LRRC7: variants seen among roughly 807,000 people sequenced by gnomAD.
LRRC7 encodes leucine rich repeat containing 7.
In LRRC7, 23 loss-of-function variants were observed where a neutral mutation model predicts 175.7. The observed-to-expected ratio is 0.13, with a 90% confidence interval of 0.09 to 0.19. LRRC7 has a LOEUF of 0.19. LRRC7 is among the 10% of genes least tolerant of loss of function. The probability of loss-of-function intolerance (pLI) is 1.00; values close to 1 mark genes in which losing one functional copy is unlikely to be tolerated. For missense variants in LRRC7, 1,354 were observed against 1,904.7 expected, an observed-to-expected ratio of 0.71 and a Z score of 5.38; for synonymous variants, 685 against 680.9, an observed-to-expected ratio of 1.01 and a Z score of -0.09.
At chr1:69,638,944 A>C (rs1653791330) in intron 1 of LRRC7, among the ~76,000 whole-genome samples, 1 of 151,624 alleles carries the variant, frequency 6.6e-6, no homozygotes, top group Non-Finnish European at 1.5e-5. Context: ...TCCAGTATAA[A>C]GAGTGAAACA....
intron 3 of LRRC7, among the ~76,000 whole-genome samples, chr1:69,785,052 T>C (rs2101039604): frequency 6.6e-6 from 1 of 152,272 alleles, no homozygotes; most frequent in African/African-American, 2.4e-5. Flanking sequence ...TCTATATGTG[T>C]CCTGTAGAAC....
rs1553145898 is a variant in LRRC7 at position 69,717,861 on chromosome 1, A to AGAAAGAAAG, written c.100+39384_100+39392dup. On this transcript the variant is annotated intron_variant, in intron 2 of 26. Coordinates refer to ENST00000651989, the MANE Select transcript of LRRC7 (RefSeq NM_001370785.2). ...AAGAAAAAAGAAAGAAAGGAAAGAA[A>AGAAAGAAAG]GAAAGAAAGAAAGAAAGAGAGAAAA... Among the ~76,000 whole-genome samples, 5 of 128,978 alleles carry AGAAAGAAAG rather than the reference A, an allele frequency of 3.9e-5. 1 individual carries two copies. Among genetic ancestry groups the AGAAAGAAAG allele is most frequent in the African/African-American group, 1.2e-4 (4 of 34,052 alleles). 84.6% of individuals were successfully genotyped at this position (128,978 alleles called of 152,430 possible).
intron 7 of LRRC7, among the ~76,000 whole-genome samples, chr1:69,855,074 G>C (rs1257625921): frequency 6.6e-6 from 1 of 152,084 alleles, no homozygotes; most frequent in Non-Finnish European, 1.5e-5. Context: ...TTACATGGTT[G>C]ATGCATGATA....
At chr1:69,658,341 T>C (rs1255164803) in intron 1 of LRRC7, among the ~76,000 whole-genome samples, 1 of 152,038 alleles carries the variant, frequency 6.6e-6, no homozygotes, top group African/African-American at 2.4e-5. Flanking sequence ...TCCATTATTG[T>C]CAGCATGAAG....
intron 8 of LRRC7, among the ~76,000 whole-genome samples, chr1:69,978,142 A>G (rs2101882818): frequency 6.6e-6 from 1 of 152,312 alleles, no homozygotes; most frequent in Non-Finnish European, 1.5e-5. Flanking sequence ...TACTAAAAAT[A>G]CAATAATTAG....
intron 2 of LRRC7, among the ~76,000 whole-genome samples, chr1:69,703,121 A>G (rs1161707319): frequency 2.0e-5 from 3 of 152,074 alleles, no homozygotes; most frequent in Non-Finnish European, 2.9e-5. Context: ...TAAAATTTTT[A>G]TGAATTTTAC....
intron 2 of LRRC7, among the ~76,000 whole-genome samples, chr1:69,739,394 C>G (rs79475524): frequency 0.015 from 2,326 of 152,092 alleles, 60 homozygotes; most frequent in African/African-American, 0.049. Flanking sequence ...CCTGTAAGCC[C>G]AGGAATGTAG....
In LRRC7 at chr1:70,135,884, G is replaced by T. The variant is rs1666848181; in HGVS notation, c.*13997G>T. Among the ~76,000 whole-genome samples, 1 of 152,140 alleles carries T rather than the reference G, an allele frequency of 6.6e-6. No individual in the cohort carries two copies. The highest frequency in any genetic ancestry group is 2.1e-4 in the South Asian group (1 of 4,826). On this transcript the variant is annotated 3_prime_UTR_variant, in exon 27 of 27. Coordinates refer to ENST00000651989, the MANE Select transcript of LRRC7 (RefSeq NM_001370785.2). Reference sequence around the variant, plus strand: ...CGTTTGACTAAGCAACGGGTATCTTGCACTTGATAGGTTCTCACAGTCTCA... The same window carrying T: ...CGTTTGACTAAGCAACGGGTATCTTTCACTTGATAGGTTCTCACAGTCTCA...
chr1:69,606,641 A>G (rs1055620783), intron 1 of LRRC7, among the ~76,000 whole-genome samples: 3 of 152,102 alleles, frequency 2.0e-5, no homozygotes, highest in Admixed American at 6.6e-5. Flanking sequence ...ATAAACCTAG[A>G]TTTATTAAAG....
chr1:69,575,840 A>T (rs1645923398), intron 1 of LRRC7, among the ~76,000 whole-genome samples: 1 of 152,182 alleles, frequency 6.6e-6, no homozygotes, highest in African/African-American at 2.4e-5. Context: ...GCTTTCTATA[A>T]ACTATTACTT....
At chr1:69,782,559 T>C (rs192345095) in intron 3 of LRRC7, among the ~76,000 whole-genome samples, 2 of 152,160 alleles carry the variant, frequency 1.3e-5, no homozygotes, top group East Asian at 3.9e-4. Flanking sequence ...CTGCTGAGTG[T>C]GGCTGGAGAT....
In LRRC7 at chr1:70,033,042, TAAAAG is replaced by T. The variant is rs1013032640; in HGVS notation, c.1996-3076_1996-3072del. Among the ~76,000 whole-genome samples the T allele has an allele frequency of 3.3e-5, 5 of 152,342 alleles. No homozygotes were observed. The East Asian group carries it at 9.6e-4, about 29-fold the overall frequency. ...AGGAACTCAATTCCTCTAGCCTCTA[TAAAAG>T]AATTTATAGAAACAAAATTAGTGAT... On this transcript the variant is annotated intron_variant, in intron 18 of 26. Transcript: ENST00000651989.
At chr1:69,676,007 G>GCA (rs57846147) in intron 1 of LRRC7, among the ~76,000 whole-genome samples, 9,769 of 147,440 alleles carry the variant, frequency 0.066, 344 homozygotes, top group East Asian at 0.12. Context: ...ATGAGTGCAT[G>GCA]CACACACACA....
intron 8 of LRRC7, among the ~76,000 whole-genome samples, chr1:69,957,707 A>G (rs1029922199): frequency 2.6e-5 from 4 of 151,878 alleles, no homozygotes; most frequent in Non-Finnish European, 5.9e-5. Context: ...GTTATTGCCA[A>G]CATTTTTTGC....
In LRRC7 at chr1:70,130,097, T is replaced by C. The variant is rs1666606785; in HGVS notation, c.*8210T>C. On this transcript the variant is annotated 3_prime_UTR_variant, in exon 27 of 27. Transcript: ENST00000651989. ...GGAAAAAAATTTCTGTACTCAGCAC[T>C]ACCATATTAATTTTTTCTTATGTTT... 6.6e-6 allele frequency: 1 copy of C among 152,216 alleles called. No homozygotes were observed. The highest frequency in any genetic ancestry group is 2.4e-5 in the African/African-American group (1 of 41,464). 9.4% of individuals were successfully genotyped at this position (152,216 alleles called of 1,614,324 possible).
intron 2 of LRRC7, among the ~76,000 whole-genome samples, chr1:69,713,675 G>T (rs1796969): frequency 0.67 from 101,349 of 151,084 alleles, 34,628 homozygotes; most frequent in African/African-American, 0.8. Flanking sequence ...TTTCCTTAAT[G>T]TCCAGCTACG....
chr1:69,913,656 C>CT, intron 7 of LRRC7, among the ~76,000 whole-genome samples: 1 of 152,016 alleles, frequency 6.6e-6, no homozygotes, highest in Non-Finnish European at 1.5e-5. Context: ...GGATTACAGG[C>CT]ACCCATGACC....
At position 70,142,862 on chromosome 1, in the gene LRRC7, G is replaced by GAATT. The variant is rs1290052572; in HGVS notation, c.*20977_*20980dup. ...GGTAGGTTTTCAGATGGTTTGTTAA[G>GAATT]AATTATATGTAAAAGGATACTAGAT... On this transcript the variant is annotated 3_prime_UTR_variant, in exon 27 of 27. Transcript: ENST00000651989. 2 of 151,914 alleles carry GAATT rather than the reference G, an allele frequency of 1.3e-5. No individual in the cohort carries two copies. Among genetic ancestry groups the GAATT allele is most frequent in the African/African-American group, 2.4e-5 (1 of 41,376 alleles). 9.4% of individuals were successfully genotyped at this position (151,914 alleles called of 1,614,324 possible).
intron 1 of LRRC7, among the ~76,000 whole-genome samples, chr1:69,658,441 C>G (rs746359180): frequency 2.6e-5 from 4 of 151,842 alleles, no homozygotes; most frequent in Non-Finnish European, 5.9e-5. Context: ...AGTTGCCACA[C>G]TGGCTAAAAA....
Sources: allele counts gnomAD v4.1 joint callset (sites outside exome capture counted in the v4.1 genomes callset), GRCh38; gene constraint gnomAD v4.1.1; transcripts MANE v1.5; gene names NCBI Gene and HGNC (gene_info 2026-07-23, HGNC 2026-07-21).